Variants in EPM2A observed in about 807,000 individuals in gnomAD.
The protein encoded by EPM2A is laforin.
A neutral mutation model predicts 26.5 loss-of-function variants in EPM2A; 21 were observed. That is an observed-to-expected ratio of 0.79 (90% confidence interval 0.56 to 1.14). The LOEUF (loss-of-function observed/expected upper bound fraction) is 1.14, where lower values mean the gene tolerates loss of function less well. Among genes scored for constraint, EPM2A ranks in the 50% most tolerant of loss-of-function variants. The probability of loss-of-function intolerance (pLI) is 0.00; values close to 1 mark genes in which losing one functional copy is unlikely to be tolerated. For missense variants in EPM2A, 458 were observed against 440.8 expected (o/e 1.04, Z -0.35); for synonymous variants, 217 against 177.6 (o/e 1.22, Z -1.76).
intron 4 of EPM2A, among the ~76,000 whole-genome samples, chr6:145,435,375 T>C (rs1778976012): frequency 1.3e-5 from 2 of 149,976 alleles, no homozygotes; most frequent in Admixed American, 1.3e-4. Context: ...ATCAATGAAA[T>C]GGGACAAATC....
At chr6:145,580,861 A>G (rs538431539) in intron 2 of EPM2A, among the ~76,000 whole-genome samples, 3 of 152,114 alleles carry the variant, frequency 2.0e-5, no homozygotes, top group Non-Finnish European at 4.4e-5. Flanking sequence ...ATTCTTTTCT[A>G]TGGCTGCATA....
intron 1 of EPM2A, among the ~76,000 whole-genome samples, chr6:145,713,672 C>T (rs1487423879): frequency 6.6e-6 from 1 of 152,160 alleles, no homozygotes; most frequent in Non-Finnish European, 1.5e-5. Context: ...CTGGAATTTC[C>T]TCAAAAAGTT....
At chr6:145,627,730 T>C (rs753276844) in intron 3 of EPM2A, 37 bp from the exon 4 acceptor site, 15 of 1,609,642 alleles carry the variant, frequency 9.3e-6, no homozygotes, top group Middle Eastern at 1.9e-4. Context: ...TGTGAATAAC[T>C]AAACCACCAG....
chr6:145,462,055 C>T (rs1231523906), intron 4 of EPM2A, among the ~76,000 whole-genome samples: 1 of 152,210 alleles, frequency 6.6e-6, no homozygotes, highest in Non-Finnish European at 1.5e-5. Flanking sequence ...AATTCCTAAA[C>T]ATCTCTTTTC....
At chr6:145,555,662 T>C (rs746912980) in intron 2 of EPM2A, among the ~76,000 whole-genome samples, 30 of 152,120 alleles carry the variant, frequency 2.0e-4, no homozygotes, top group Non-Finnish European at 7.4e-5. Flanking sequence ...CACACGCATA[T>C]GCACATACTT....
At chr6:145,520,821 G>T (rs2114773426) in intron 2 of EPM2A, among the ~76,000 whole-genome samples, 1 of 152,314 alleles carries the variant, frequency 6.6e-6, no homozygotes, top group African/African-American at 2.4e-5. Flanking sequence ...GGGACGGGTA[G>T]TTAGGGAAGA....
At chr6:145,391,612 T>A (rs1167042709) in intron 4 of EPM2A, among the ~76,000 whole-genome samples, 1 of 152,150 alleles carries the variant, frequency 6.6e-6, no homozygotes, top group Non-Finnish European at 1.5e-5. Context: ...TTGTCTCATC[T>A]TTTCCTCCCT....
chr6:145,604,504 A>C (rs965893325), intron 2 of EPM2A, among the ~76,000 whole-genome samples: 31 of 152,098 alleles, frequency 2.0e-4, no homozygotes, highest in Admixed American at 2.6e-4. Context: ...TCTGCAAAAA[A>C]CCACCACTGG....
In EPM2A at chr6:145,610,071, G is replaced by A. The variant is rs947395370; in HGVS notation, c.340+25174C>T. On this transcript the variant is annotated intron_variant, in intron 2 of 3. Transcript: ENST00000450221. ...CTCTACTAAAAATACAAAAATTAGC[G>A]GGGCCTGGTGGCACGCGCCTGTAAT... is the stretch of plus-strand genomic sequence containing the variant. Among the ~76,000 whole-genome samples the A allele has an allele frequency of 4.6e-5, 7 of 151,992 alleles. No individual in the cohort carries two copies. The East Asian group carries it at 9.7e-4, about 21-fold the overall frequency.
intron 4 of EPM2A, among the ~76,000 whole-genome samples, chr6:145,445,497 A>T (rs966756095): frequency 9.9e-5 from 15 of 152,226 alleles, no homozygotes; most frequent in Admixed American, 8.5e-4. Context: ...AGAAGAATAG[A>T]TTACGACTGA....
At chr6:145,639,650 A>G (rs1776944039) in intron 2 of EPM2A, 1 of 152,190 alleles carries the variant, frequency 6.6e-6, no homozygotes, top group African/African-American at 2.4e-5. Context: ...TGACATATCT[A>G]CAAATTAAGG....
intron 4 of EPM2A, among the ~76,000 whole-genome samples, chr6:145,456,050 C>T (rs969635082): frequency 6.6e-6 from 1 of 151,712 alleles, no homozygotes; most frequent in Non-Finnish European, 1.5e-5. Flanking sequence ...TAATTAAAAC[C>T]CTCTGTTGTG....
intron 1 of EPM2A, among the ~76,000 whole-genome samples, chr6:145,718,577 A>C (rs1312782417): frequency 6.6e-6 from 1 of 152,176 alleles, no homozygotes; most frequent in Non-Finnish European, 1.5e-5. Flanking sequence ...TTCATCTCTA[A>C]AACACCAAAA....
At chr6:145,530,324 T>C (rs377472817) in intron 2 of EPM2A, among the ~76,000 whole-genome samples, 105 of 152,356 alleles carry the variant, frequency 6.9e-4, no homozygotes, top group African/African-American at 2.4e-3. Flanking sequence ...GGTAATTGAA[T>C]TTAAGGGTTT....
intron 2 of EPM2A, among the ~76,000 whole-genome samples, chr6:145,597,101 A>C (rs1781356361): frequency 6.6e-6 from 1 of 151,118 alleles, no homozygotes; most frequent in South Asian, 2.1e-4. Context: ...TCACCTTGTT[A>C]GCCAGGATGG....
intron 2 of EPM2A, among the ~76,000 whole-genome samples, chr6:145,524,810 T>G (rs771646590): frequency 1.3e-5 from 2 of 152,152 alleles, no homozygotes; most frequent in Non-Finnish European, 2.9e-5. Flanking sequence ...TTGTTGCAGT[T>G]GTTTTTTATA....
intron 1 of EPM2A, among the ~76,000 whole-genome samples, chr6:145,718,281 A>G (rs1368395328): frequency 6.8e-6 from 1 of 147,892 alleles, no homozygotes; most frequent in Non-Finnish European, 1.5e-5. Context: ...ATATAGATCA[A>G]TGGAACAGAA....
downstream of EPM2A, among the ~76,000 whole-genome samples, chr6:145,622,947 G>T (rs956307460): frequency 1.3e-5 from 2 of 152,206 alleles, no homozygotes; most frequent in Non-Finnish European, 1.5e-5. Context: ...ACTTGCCTCA[G>T]AATAAGTTCA....
chr6:145,713,002 G>A lies in EPM2A; in HGVS notation c.301+22196C>T, dbSNP rs117384731. On this transcript the variant is annotated intron_variant, in intron 1 of 3. Transcript: ENST00000367519. The stretch of plus-strand genomic sequence containing the variant: ...GGATAGACTAATAGCTGCTATCATC[G>A]TTTAAAAAGTGTCTTGACTGTGATG... Among the ~76,000 whole-genome samples the A allele has an allele frequency of 4.2e-3, 647 of 152,258 alleles. 19 individuals are homozygous for A. In the East Asian group the frequency reaches 0.071, roughly 17 times the overall value.
Sources: allele counts gnomAD v4.1 joint callset (sites outside exome capture counted in the v4.1 genomes callset), GRCh38; gene constraint gnomAD v4.1.1; transcripts MANE v1.5; gene names NCBI Gene and HGNC (gene_info 2026-07-23, HGNC 2026-07-21).